Variants in AMMECR1 observed in about 807,000 individuals in gnomAD.
The protein encoded by AMMECR1 is AMMECR nuclear protein 1, also known as nuclear protein AMMECR1.
A neutral mutation model predicts 22.5 loss-of-function variants in AMMECR1; 3 were observed. The ratio of observed to expected loss-of-function variants is 0.13; its 90% CI spans 0.06 to 0.35. AMMECR1 has a LOEUF of 0.35. Among genes scored for constraint, AMMECR1 ranks in the 10% least tolerant of loss-of-function variants. The pLI is 1.00. For synonymous variants in AMMECR1, 130 were observed against 116.7 expected, an observed-to-expected ratio of 1.11 and a Z score of -0.74; for missense variants, 235 against 278.7, an observed-to-expected ratio of 0.84 and a Z score of 1.12.
At chrX:110,402,043 G>A (rs1381129542) in intron 2 of AMMECR1, among the ~76,000 whole-genome samples, 2 of 111,603 alleles carry the variant, frequency 1.8e-5, no homozygotes, top group Non-Finnish European at 3.8e-5. Context: ...CCACCAGTAC[G>A]CTCAACCTTT....
chrX:110,317,465 T>C (rs1027387997), intron 1 of AMMECR1, 134 bp downstream of exon 1: 11 of 1,032,706 alleles, frequency 1.1e-5, no homozygotes, highest in African/African-American at 5.8e-5. Context: ...CTTAGTTCAG[T>C]TGAGTAGCTC....
intron 2 of AMMECR1, among the ~76,000 whole-genome samples, chrX:110,409,099 T>A (rs1602979707): frequency 9.0e-6 from 1 of 111,611 alleles, no homozygotes; most frequent in East Asian, 2.8e-4. Flanking sequence ...TTATAAATAA[T>A]GAATAATGAA....
chrX:110,239,418 G>A (rs1290353890), intron 2 of AMMECR1, among the ~76,000 whole-genome samples: 1 of 110,861 alleles, frequency 9.0e-6, no homozygotes, highest in Non-Finnish European at 1.9e-5. Flanking sequence ...AGTATCAATA[G>A]CCGAATCATC....
chrX:110,229,098 T>C (rs192151731), intron 2 of AMMECR1, among the ~76,000 whole-genome samples: 1 of 112,370 alleles, frequency 8.9e-6, no homozygotes, highest in South Asian at 3.7e-4. Flanking sequence ...GTCAAATATG[T>C]GATTCTTGAT....
chrX:110,404,653 AC>A (rs1375550243), intron 2 of AMMECR1, among the ~76,000 whole-genome samples: 36 of 111,691 alleles, frequency 3.2e-4, no homozygotes, highest in African/African-American at 1.1e-3. Flanking sequence ...CCTTGGGAGA[AC>A]CGGCCTTGTT....
At chrX:110,287,785 G>A (rs999708732) in intron 1 of AMMECR1, among the ~76,000 whole-genome samples, 5 of 111,634 alleles carry the variant, frequency 4.5e-5, no homozygotes, top group African/African-American at 1.3e-4. Context: ...CCATTCTTTC[G>A]CAATAGAGAG....
chrX:110,259,062 C>G (rs1483855016), intron 2 of AMMECR1, among the ~76,000 whole-genome samples: 1 of 111,617 alleles, frequency 9.0e-6, no homozygotes, highest in Admixed American at 9.5e-5. Context: ...CCCAATCTAG[C>G]TAGGACCTTT....
chrX:110,215,030 G>A (rs2067466658), intron 3 of AMMECR1, among the ~76,000 whole-genome samples: 1 of 112,074 alleles, frequency 8.9e-6, no homozygotes, highest in African/African-American at 3.2e-5. Flanking sequence ...CATAATATTT[G>A]TAGACTTTTC....
chrX:110,340,769 C>T (rs1343564320), intron 2 of AMMECR1, among the ~76,000 whole-genome samples: 1 of 112,476 alleles, frequency 8.9e-6, no homozygotes, highest in African/African-American at 3.2e-5. Context: ...GATTTTAATA[C>T]TTATCTGTCA....
intron 1 of AMMECR1, among the ~76,000 whole-genome samples, chrX:110,299,387 T>C (rs2067954075): frequency 1.8e-5 from 2 of 112,159 alleles, no homozygotes; most frequent in South Asian, 3.7e-4. Context: ...ATAGTATTTG[T>C]GCTTTCAAGG....
intron 1 of AMMECR1, among the ~76,000 whole-genome samples, chrX:110,315,828 A>G: frequency 8.9e-6 from 1 of 112,266 alleles, no homozygotes; most frequent in South Asian, 3.7e-4. Flanking sequence ...GTATCATCCC[A>G]GGACTAGCTT....
At chrX:110,326,830 CGTT>C (rs1361815310) in intron 2 of AMMECR1, among the ~76,000 whole-genome samples, 1 of 111,712 alleles carries the variant, frequency 9.0e-6, no homozygotes, top group Non-Finnish European at 1.9e-5. Context: ...CAGGAGACTT[CGTT>C]AATTCAGGAT....
At chrX:110,262,339 CA>C (rs1224749007) in intron 2 of AMMECR1, among the ~76,000 whole-genome samples, 1 of 111,746 alleles carries the variant, frequency 8.9e-6, no homozygotes, top group Admixed American at 9.4e-5. Flanking sequence ...CATATGTATA[CA>C]CACGCACACA....
chrX:110,216,542 A>G lies in AMMECR1; in HGVS notation c.675T>C (p.Asp225=). ...CCTCCCAGTCCAAATAATCACAGAC[A>G]TCTTCAAAGTTAGTGAGCAGAGACA... ...CSVSLLTNFE[D]VCDYLDWEVG... The change falls in exon 3 of 6, where the codon GAT becomes GAC. Residue 225 remains aspartate (D), a synonymous_variant. Transcript: ENST00000262844. 1.7e-6 allele frequency: 2 copies of G among 1,206,717 alleles called. No individual in the cohort carries two copies. The highest frequency in any genetic ancestry group is 2.2e-6 in the Non-Finnish European group (2 of 891,479).
At chrX:110,365,729 A>G (rs745981679) in intron 2 of AMMECR1, among the ~76,000 whole-genome samples, 1 of 111,967 alleles carries the variant, frequency 8.9e-6, no homozygotes, top group Non-Finnish European at 1.9e-5. Context: ...AAGTTTCTGA[A>G]GAAAACTGGT....
rs138733446 is a variant in AMMECR1 at position 110,242,953 on chromosome X, T to A, written c.584+21536A>T. Among the ~76,000 whole-genome samples the A allele has an allele frequency of 5.5e-3, 614 of 112,410 alleles. 3 individuals carry two copies. Among genetic ancestry groups the A allele is most frequent in the African/African-American group, 0.019 (597 of 31,003 alleles). On this transcript the variant is annotated intron_variant, in intron 2 of 5. Coordinates refer to ENST00000262844, the MANE Select transcript of AMMECR1 (RefSeq NM_015365.3). ...CATTAAAATACATGTTTACAATTGTTATTTGAAATGGTTCTTTCTAATAAT... is the reference window on the plus strand; with the variant it reads ...CATTAAAATACATGTTTACAATTGTAATTTGAAATGGTTCTTTCTAATAAT...
At chrX:110,356,581 A>G (rs940013808) in intron 2 of AMMECR1, among the ~76,000 whole-genome samples, 1 of 111,509 alleles carries the variant, frequency 9.0e-6, no homozygotes, top group African/African-American at 3.3e-5. Context: ...ATAATGATAA[A>G]TTAGCGAGGT....
intron 2 of AMMECR1, among the ~76,000 whole-genome samples, chrX:110,358,352 T>C (rs1285937627): frequency 2.7e-5 from 3 of 111,748 alleles, no homozygotes; most frequent in African/African-American, 9.8e-5. Context: ...TGCTATTAAA[T>C]TACATTCTAG....
At chrX:110,397,978 G>A (rs1180025871) in intron 2 of AMMECR1, among the ~76,000 whole-genome samples, 1 of 112,273 alleles carries the variant, frequency 8.9e-6, no homozygotes, top group Non-Finnish European at 1.9e-5. Context: ...GCACGAACCC[G>A]CTTCCTTGAC....
Sources: allele counts gnomAD v4.1 joint callset (sites outside exome capture counted in the v4.1 genomes callset), GRCh38; gene constraint gnomAD v4.1.1; transcripts MANE v1.5; gene names NCBI Gene and HGNC (gene_info 2026-07-23, HGNC 2026-07-21).